LAMA3: variants seen among roughly 807,000 people sequenced by gnomAD.
LAMA3 encodes laminin subunit alpha-3.
In LAMA3, 281 loss-of-function variants were observed where a neutral mutation model predicts 402.0. The ratio of observed to expected loss-of-function variants is 0.70; its 90% CI spans 0.63 to 0.77. LAMA3 has a LOEUF of 0.77. Ranked by LOEUF, LAMA3 falls within the 30% of genes least tolerant of loss-of-function variation. LAMA3 has a pLI of 0.00. For missense variants in LAMA3, 3,840 were observed against 4,215.5 expected, an observed-to-expected ratio of 0.91 and a Z score of 2.47; for synonymous variants, 1,431 against 1,558.4, an observed-to-expected ratio of 0.92 and a Z score of 1.93.
At chr18:23,818,184 G>T (rs2063214870) in intron 18 of LAMA3, among the ~76,000 whole-genome samples, 1 of 152,092 alleles carries the variant, frequency 6.6e-6, no homozygotes, top group East Asian at 1.9e-4. Flanking sequence ...TTCCACCTGT[G>T]TTTCATCTTG....
rs528707557 is a variant in LAMA3, at chr18:23,909,437, A to G, written c.7158+142A>G. On this transcript the variant is annotated intron_variant, in intron 55 of 74. Coordinates refer to ENST00000313654, the MANE Select transcript of LAMA3 (RefSeq NM_198129.4). Reference sequence around the variant, plus strand: ...ATTCTTGTGTTGCTTGAATATAAAGATTGATTTTCTCCTGTCATCCTTTAC... The same window carrying G: ...ATTCTTGTGTTGCTTGAATATAAAGGTTGATTTTCTCCTGTCATCCTTTAC... 22 of 794,262 alleles carry G rather than the reference A, an allele frequency of 2.8e-5. 1 individual carries two copies. The highest frequency in any genetic ancestry group is 4.5e-5 in the Non-Finnish European group (21 of 467,078). The allele number at this position is 794,262 out of a possible 1,614,324, so 49.2% of individuals were successfully genotyped here.
At chr18:23,843,652 T>A (rs987618020) in intron 29 of LAMA3, among the ~76,000 whole-genome samples, 3 of 152,208 alleles carry the variant, frequency 2.0e-5, no homozygotes, top group African/African-American at 7.2e-5. Flanking sequence ...GAGCATGCCC[T>A]GTGACCCAGC....
intron 62 of LAMA3, among the ~76,000 whole-genome samples, chr18:23,925,920 T>C (rs1455208190): frequency 2.0e-5 from 3 of 152,236 alleles, no homozygotes; most frequent in Non-Finnish European, 4.4e-5. Context: ...CTCACTAACC[T>C]GTGTGACACA....
chr18:23,828,789 T>C (rs891194193), intron 23 of LAMA3, among the ~76,000 whole-genome samples: 12 of 152,216 alleles, frequency 7.9e-5, no homozygotes, highest in African/African-American at 2.7e-4. Flanking sequence ...GGTCTAGAAA[T>C]TATCCAGCTT....
rs1489086230 is a variant in LAMA3, at chr18:23,933,916, A to G, written c.8843A>G (p.Lys2948Arg). ...GGTTCTACCAGGTTTAACAAGACCA[A>G]GACTTTTCGTATCAACCAGGTAAGT... ...LKGSTRFNKT[K>R]TFRINQLLQD... The change falls in exon 67 of 75, where the codon AAG (lysine) becomes AGG (arginine). Residue 2948 changes from lysine to arginine, a missense_variant. Lys to Arg is a conservative substitution (Grantham distance 26). Around this residue, in one of 3 missense-constraint regions of LAMA3, gnomAD observed 840 missense variants for 981.9 expected, o/e 0.86. Transcript: ENST00000313654. 4 of 1,614,146 alleles carry G rather than the reference A, an allele frequency of 2.5e-6. No individual in the cohort carries two copies. The highest frequency in any genetic ancestry group is 3.3e-5 in the Admixed American group (2 of 60,034).
intron 67 of LAMA3, among the ~76,000 whole-genome samples, chr18:23,935,924 C>T (rs1196209758): frequency 6.6e-6 from 1 of 151,886 alleles, no homozygotes; most frequent in Non-Finnish European, 1.5e-5. Flanking sequence ...TCGAATTTAG[C>T]TGAGTGAATA....
At chr18:23,693,313 G>A (rs2060627372) in intron 1 of LAMA3, among the ~76,000 whole-genome samples, 1 of 152,072 alleles carries the variant, frequency 6.6e-6, no homozygotes, top group Non-Finnish European at 1.5e-5. Flanking sequence ...GGCAACAGAG[G>A]AAGACTCCAT....
chr18:23,896,424 G>T (rs966509230), intron 44 of LAMA3, among the ~76,000 whole-genome samples: 2 of 152,208 alleles, frequency 1.3e-5, no homozygotes, highest in Admixed American at 1.3e-4. Flanking sequence ...ATAACTTTGT[G>T]TTACTGGTTT....
chr18:23,817,845 C>G (rs1008323576), intron 18 of LAMA3, among the ~76,000 whole-genome samples: 9 of 152,146 alleles, frequency 5.9e-5, no homozygotes, highest in African/African-American at 2.2e-4. Context: ...TCCCCATGGG[C>G]CAGGGGAGCT....
chr18:23,933,714 C>T (rs1326323603), intron 66 of LAMA3, 68 bp from the exon 67 acceptor site: 2 of 1,560,032 alleles, frequency 1.3e-6, no homozygotes, highest in African/African-American at 2.7e-5. Context: ...AATGAGCTCT[C>T]TCTACCAGAG....
intron 52 of LAMA3, among the ~76,000 whole-genome samples, chr18:23,907,146 T>C (rs1348697120): frequency 1.3e-5 from 2 of 152,236 alleles, no homozygotes; most frequent in Non-Finnish European, 2.9e-5. Context: ...CATGTATTCA[T>C]TTACTCAACA....
chr18:23,852,388 T>C (rs1208348999), intron 32 of LAMA3, among the ~76,000 whole-genome samples: 1 of 152,272 alleles, frequency 6.6e-6, no homozygotes, highest in Non-Finnish European at 1.5e-5. Context: ...TATGGCAGCC[T>C]GCCCTTAAAT....
intron 42 of LAMA3, among the ~76,000 whole-genome samples, chr18:23,893,041 T>C (rs980327485): frequency 6.6e-6 from 1 of 152,056 alleles, no homozygotes; most frequent in Non-Finnish European, 1.5e-5. Context: ...GATGCTTTTA[T>C]TTCATTTTTC....
chr18:23,856,139 C>T (rs1202427408), intron 32 of LAMA3, among the ~76,000 whole-genome samples: 10 of 152,142 alleles, frequency 6.6e-5, no homozygotes, highest in Non-Finnish European at 1.5e-5. Flanking sequence ...GCCCAAGGTC[C>T]AGTAAGTGGT....
At chr18:23,837,452 CTATTT>C (rs2063605786) in intron 25 of LAMA3, 1 of 219,464 alleles carries the variant, frequency 4.6e-6, no homozygotes, top group Non-Finnish European at 9.2e-6. Flanking sequence ...TTCCATCTTA[CTATTT>C]TATTATCTCT....
intron 38 of LAMA3, among the ~76,000 whole-genome samples, chr18:23,874,571 C>T (rs970407340): frequency 6.6e-6 from 1 of 152,218 alleles, no homozygotes; most frequent in African/African-American, 2.4e-5. Context: ...GTTCTAGCAA[C>T]ACCTGGGAGA....
Position 23,920,966 on chromosome 18 carries a change from G to A in LAMA3, c.7955G>A (p.Gly2652Asp). The change falls in exon 61 of 75, where the codon GGC (glycine) becomes GAC (aspartate). Residue 2652 changes from glycine to aspartate, a missense_variant. Gly to Asp is a moderately conservative substitution (Grantham distance 94). Transcript: ENST00000313654. ...TTCATATCTCTAAATATAGAAGATG[G>A]CAAGCTCATGGTGAGATACAAACTG... ...DRFISLNIED[G>D]KLMVRYKLNS... 1 of 1,613,970 alleles carries A rather than the reference G, an allele frequency of 6.2e-7. No homozygotes were observed. Among genetic ancestry groups the A allele is most frequent in the Non-Finnish European group, 8.5e-7 (1 of 1,179,932 alleles).
chr18:23,858,019 G>A, intron 33 of LAMA3, 31 bp downstream of exon 33: 2 of 1,613,972 alleles, frequency 1.2e-6, no homozygotes, highest in Non-Finnish European at 1.7e-6. Context: ...CCAGACAACA[G>A]CTGCCGGTCA....
chr18:23,824,019 A>C (rs1014005810), intron 20 of LAMA3, among the ~76,000 whole-genome samples: 1 of 152,172 alleles, frequency 6.6e-6, no homozygotes, highest in Non-Finnish European at 1.5e-5. Flanking sequence ...ACTGCACTCC[A>C]GCCTGGGCAA....
Sources: gnomAD v4.1 joint callset for allele counts (sites outside exome capture counted in the v4.1 genomes callset) on GRCh38, gnomAD v4.1.1 for gene constraint, gnomAD v4.1.1 regional missense constraint, MANE v1.5 for transcripts, NCBI Gene and HGNC (gene_info 2026-07-23, HGNC 2026-07-21) for gene names.